The following GRID2 variants were observed in gnomAD, a reference collection of about 807,000 sequenced individuals.
GRID2 encodes glutamate ionotropic receptor delta type subunit 2.
In GRID2, 33 loss-of-function variants were observed where a neutral mutation model predicts 114.8. That is an observed-to-expected ratio of 0.29 (90% confidence interval 0.22 to 0.38). The LOEUF (loss-of-function observed/expected upper bound fraction) is 0.38, where lower values mean the gene tolerates loss of function less well. Ranked by LOEUF, GRID2 falls within the 10% of genes least tolerant of loss-of-function variation. GRID2 has a pLI of 1.00. For synonymous variants in GRID2, 505 were observed against 449.9 expected, an observed-to-expected ratio of 1.12 and a Z score of -1.55; for missense variants, 1,184 against 1,257.7, an observed-to-expected ratio of 0.94 and a Z score of 0.89.
chr4:93,163,685 CA>C (rs1008863297), intron 4 of GRID2, among the ~76,000 whole-genome samples: 1 of 150,452 alleles, frequency 6.6e-6, no homozygotes, highest in African/African-American at 2.4e-5. Flanking sequence ...AATATTTAGC[CA>C]AAAAAAGAAG....
At position 92,499,390 on chromosome 4, in the gene GRID2, T is replaced by A. The variant is rs184411669; in HGVS notation, c.89-90741T>A. On this transcript the variant is annotated intron_variant, in intron 1 of 15. Coordinates refer to ENST00000282020, the MANE Select transcript of GRID2 (RefSeq NM_001510.4). ...CTGCCCATTCCTCTCCATAGATTTA[T>A]CCAAGTTCTTTTAGGTTGTTTTCTC... Among the ~76,000 whole-genome samples the A allele has an allele frequency of 5.3e-5, 8 of 152,292 alleles. No individual in the cohort carries two copies. The East Asian group carries it at 1.2e-3, about 22-fold the overall frequency.
chr4:93,529,394 T>C (rs780092836), intron 13 of GRID2, among the ~76,000 whole-genome samples: 9 of 152,316 alleles, frequency 5.9e-5, no homozygotes, highest in Non-Finnish European at 1.2e-4. Context: ...TCAGCACCAC[T>C]TGGTAACCTA....
chr4:92,479,660 T>G (rs1722487385), intron 1 of GRID2, among the ~76,000 whole-genome samples: 1 of 152,140 alleles, frequency 6.6e-6, no homozygotes, highest in Non-Finnish European at 1.5e-5. Flanking sequence ...TGCTGCTTAT[T>G]GAGGAGTATT....
chr4:92,964,177 A>T (rs1752990627), intron 2 of GRID2, among the ~76,000 whole-genome samples: 1 of 152,010 alleles, frequency 6.6e-6, no homozygotes, highest in Non-Finnish European at 1.5e-5. Flanking sequence ...CATTGGCTTC[A>T]ACTTAAAGTC....
intron 8 of GRID2, among the ~76,000 whole-genome samples, chr4:93,358,564 A>T (rs1432348918): frequency 6.6e-6 from 1 of 152,052 alleles, no homozygotes; most frequent in Non-Finnish European, 1.5e-5. Flanking sequence ...AATTCACATT[A>T]TCTGACCATA....
chr4:93,577,022 A>G (rs1024670015), intron 13 of GRID2, among the ~76,000 whole-genome samples: 1 of 152,232 alleles, frequency 6.6e-6, no homozygotes, highest in Non-Finnish European at 1.5e-5. Flanking sequence ...TGTTTTTAAT[A>G]TAACAGGAAA....
At chr4:93,023,111 GTGTGTGTGTGTGTGTATGTA>G (rs1420741116) in intron 2 of GRID2, among the ~76,000 whole-genome samples, 21 of 150,930 alleles carry the variant, frequency 1.4e-4, no homozygotes, top group African/African-American at 4.4e-4. Flanking sequence ...GTGTGTGTGT[GTGTGTGTGTGTGTGTATGTA>G]TGTGTGTGTG....
At chr4:92,548,076 C>T (rs1287550262) in intron 1 of GRID2, among the ~76,000 whole-genome samples, 1 of 151,718 alleles carries the variant, frequency 6.6e-6, no homozygotes, top group Non-Finnish European at 1.5e-5. Flanking sequence ...GTACTGAGGA[C>T]AGAAGGACAA....
intron 2 of GRID2, among the ~76,000 whole-genome samples, chr4:92,756,072 C>T (rs915688550): frequency 6.6e-6 from 1 of 152,042 alleles, no homozygotes; most frequent in African/African-American, 2.4e-5. Flanking sequence ...TTGTTCCTTC[C>T]AAACTCTCTT....
At chr4:92,330,835 A>C (rs1357761738) in intron 1 of GRID2, among the ~76,000 whole-genome samples, 2 of 152,242 alleles carry the variant, frequency 1.3e-5, no homozygotes, top group African/African-American at 4.8e-5. Context: ...TAGAATGTGA[A>C]AAAGTTCTGA....
In GRID2 at chr4:92,771,748, C is replaced by T. The variant is rs531234120; in HGVS notation, c.244+181462C>T. Among the ~76,000 whole-genome samples, 8 of 152,128 alleles carry T rather than the reference C, an allele frequency of 5.3e-5. No homozygotes were observed. The East Asian group carries it at 1.4e-3, about 26-fold the overall frequency. On this transcript the variant is annotated intron_variant, in intron 2 of 15. Transcript: ENST00000282020. ...TGGGTAGGGTTGATGAAACAGATTC[C>T]AGATTGAGCTGTCAAGAACAAGTCC...
chr4:93,330,735 A>C (rs1579703986), intron 8 of GRID2, among the ~76,000 whole-genome samples: 1 of 152,106 alleles, frequency 6.6e-6, no homozygotes, highest in African/African-American at 2.4e-5. Context: ...GCAAACCTAT[A>C]GGAAGGCCAT....
At chr4:93,636,880 G>C (rs1205288523) in intron 14 of GRID2, among the ~76,000 whole-genome samples, 1 of 152,082 alleles carries the variant, frequency 6.6e-6, no homozygotes, top group African/African-American at 2.4e-5. Flanking sequence ...CCATGCCCTG[G>C]AGACCACTAG....
chr4:93,727,509 T>G (rs551547579), intron 14 of GRID2, among the ~76,000 whole-genome samples: 1 of 152,208 alleles, frequency 6.6e-6, no homozygotes, highest in African/African-American at 2.4e-5. Context: ...ATAAAATGAG[T>G]TACGGAGGAT....
chr4:93,597,015 A>T (rs1739177584), intron 13 of GRID2, among the ~76,000 whole-genome samples: 1 of 152,236 alleles, frequency 6.6e-6, no homozygotes, highest in African/African-American at 2.4e-5. Context: ...CATGAAGAAA[A>T]TTGTAAAAGA....
intron 8 of GRID2, among the ~76,000 whole-genome samples, chr4:93,371,962 G>T (rs1762975127): frequency 6.6e-6 from 1 of 151,762 alleles, no homozygotes. Context: ...TGGCCAGGCT[G>T]GTCTCAAACT....
intron 1 of GRID2, among the ~76,000 whole-genome samples, chr4:92,545,637 A>G (rs1037354793): frequency 1.8e-4 from 28 of 152,214 alleles, no homozygotes; most frequent in Non-Finnish European, 3.2e-4. Flanking sequence ...TTAACATTAT[A>G]ATCTGTTTTC....
Position 92,782,744 on chromosome 4 carries a change from T to C in GRID2, c.244+192458T>C, listed in dbSNP as rs1253460326. On this transcript the variant is annotated intron_variant, in intron 2 of 15. Coordinates refer to ENST00000282020, the MANE Select transcript of GRID2 (RefSeq NM_001510.4). ...GTAATACATGATGAGTGGGAAAAGA[T>C]AAAGATGAGAAAGTTGGTGTCCTGG... 2.0e-5 allele frequency among the ~76,000 whole-genome samples: 3 copies of C among 152,030 alleles called. No homozygotes were observed. In the East Asian group the frequency reaches 5.8e-4, roughly 30 times the overall value.
At chr4:93,787,895 G>A (rs560593408) in intron 1 of GRID2, among the ~76,000 whole-genome samples, 1 of 152,312 alleles carries the variant, frequency 6.6e-6, no homozygotes, top group African/African-American at 2.4e-5. Flanking sequence ...AAGGTAGGAT[G>A]TCTGGACGAA....
Sources: gnomAD v4.1 joint callset for allele counts (sites outside exome capture counted in the v4.1 genomes callset) on GRCh38, gnomAD v4.1.1 for gene constraint, MANE v1.5 for transcripts, NCBI Gene and HGNC (gene_info 2026-07-23, HGNC 2026-07-21) for gene names.